The following GMDS variants were observed in gnomAD, a reference collection of about 807,000 sequenced individuals.
GMDS encodes the protein GDP-mannose 4,6 dehydratase.
GMDS carries 20 observed loss-of-function variants against 49.9 expected under a neutral mutation model. That is an observed-to-expected ratio of 0.40 (90% CI 0.28 to 0.58). The LOEUF is 0.58. GMDS is among the 20% of genes least tolerant of loss of function. GMDS has a pLI of 0.42. For missense variants in GMDS, 362 were observed against 481.4 expected (o/e 0.75, Z 2.32); for synonymous variants, 177 against 178.6 (o/e 0.99, Z 0.07).
chr6:2,029,872 T>A (rs1024951145), intron 4 of GMDS, among the ~76,000 whole-genome samples: 1 of 152,166 alleles, frequency 6.6e-6, no homozygotes, highest in Non-Finnish European at 1.5e-5. Context: ...TTTTGTGTCA[T>A]TTTGAATTAT....
intron 2 of GMDS, among the ~76,000 whole-genome samples, chr6:2,122,420 C>T (rs768676512): frequency 1.1e-4 from 16 of 152,122 alleles, no homozygotes; most frequent in East Asian, 7.7e-4. Context: ...CACCACTGCC[C>T]CCCACCCCGA....
intron 4 of GMDS, among the ~76,000 whole-genome samples, chr6:2,016,439 C>G (rs1481360601): frequency 6.6e-6 from 1 of 152,040 alleles, no homozygotes; most frequent in Non-Finnish European, 1.5e-5. Flanking sequence ...AATAATAGAG[C>G]TACAAGATAT....
At chr6:2,055,263 A>G (rs79383749) in intron 4 of GMDS, among the ~76,000 whole-genome samples, 3 of 150,830 alleles carry the variant, frequency 2.0e-5, no homozygotes, top group Non-Finnish European at 3.0e-5. Context: ...AGAAAAAAAA[A>G]GAGAGAGAGA....
intron 9 of GMDS, among the ~76,000 whole-genome samples, chr6:1,644,398 C>G (rs1339831938): frequency 6.6e-6 from 1 of 152,200 alleles, no homozygotes; most frequent in African/African-American, 2.4e-5. Context: ...CTCACCATTG[C>G]CATAAATAGG....
chr6:2,025,536 C>T (rs531392850), intron 4 of GMDS, among the ~76,000 whole-genome samples: 48 of 151,922 alleles, frequency 3.2e-4, no homozygotes, highest in Non-Finnish European at 6.6e-4. Flanking sequence ...AGATTTCTTT[C>T]TCCTTGTAAT....
At chr6:2,108,402 C>T (rs2127492983) in intron 4 of GMDS, among the ~76,000 whole-genome samples, 1 of 152,054 alleles carries the variant, frequency 6.6e-6, no homozygotes, top group East Asian at 1.9e-4. Context: ...AATTGTACTA[C>T]CCTAACCAAA....
intron 9 of GMDS, among the ~76,000 whole-genome samples, chr6:1,703,796 G>C (rs1011528145): frequency 4.6e-5 from 7 of 152,244 alleles, no homozygotes; most frequent in Non-Finnish European, 1.0e-4. Context: ...AGTGGCCGCA[G>C]GGCCAAGGCT....
At chr6:1,916,413 A>AC (rs1761401854) in intron 7 of GMDS, among the ~76,000 whole-genome samples, 1 of 151,574 alleles carries the variant, frequency 6.6e-6, no homozygotes, top group South Asian at 2.1e-4. Context: ...TTGTATTCCT[A>AC]CCCCACAATC....
chr6:1,666,795 C>T (rs781359685), intron 9 of GMDS, among the ~76,000 whole-genome samples: 7 of 152,148 alleles, frequency 4.6e-5, no homozygotes, highest in Non-Finnish European at 8.8e-5. Flanking sequence ...TCCTTCTAAG[C>T]GGAACGATAG....
intron 9 of GMDS, among the ~76,000 whole-genome samples, chr6:1,708,019 G>A (rs954027669): frequency 2.6e-5 from 4 of 152,066 alleles, no homozygotes; most frequent in Non-Finnish European, 5.9e-5. Flanking sequence ...AACATTTTCT[G>A]GAGTAAGGTA....
chr6:1,755,948 G>A (rs1461599212), intron 7 of GMDS, among the ~76,000 whole-genome samples: 1 of 152,298 alleles, frequency 6.6e-6, no homozygotes, highest in East Asian at 1.9e-4. Context: ...CACAGCAAAA[G>A]AAACTATCAT....
chr6:1,959,805 C>G lies in GMDS; in HGVS notation c.643+62G>C, dbSNP rs80301936. ...CTCTGTAGTACATACACCAAATAGA[C>G]ATGCAACTTGTTGTTGTTGTTCAAG... On this transcript the variant is annotated intron_variant, in intron 6 of 10. Coordinates refer to ENST00000380815, the MANE Select transcript of GMDS (RefSeq NM_001500.4). 1.1e-3 allele frequency: 994 copies of G among 943,162 alleles called. 5 individuals are homozygous for G. In the African/African-American group the frequency reaches 0.014, roughly 13 times the overall value. The allele number at this position is 943,162 out of a possible 1,614,324, so 58.4% of individuals were successfully genotyped here.
intron 4 of GMDS, among the ~76,000 whole-genome samples, chr6:1,972,548 A>G (rs1212639199): frequency 6.6e-6 from 1 of 152,274 alleles, no homozygotes; most frequent in Non-Finnish European, 1.5e-5. Flanking sequence ...CCAAGGATTC[A>G]CAGGGTCCAT....
chr6:2,193,078 C>T (rs1779119343), intron 1 of GMDS, among the ~76,000 whole-genome samples: 2 of 152,306 alleles, frequency 1.3e-5, no homozygotes, highest in Middle Eastern at 3.4e-3. Context: ...TTGTCACAAT[C>T]ACTGGGGGAT....
At chr6:2,220,726 T>A (rs1356333998) in intron 1 of GMDS, among the ~76,000 whole-genome samples, 3 of 152,134 alleles carry the variant, frequency 2.0e-5, no homozygotes, top group Non-Finnish European at 4.4e-5. Context: ...CCCCAAGATT[T>A]GTATATACAT....
At chr6:1,740,681 A>T (rs1415263354) in intron 8 of GMDS, among the ~76,000 whole-genome samples, 1 of 139,238 alleles carries the variant, frequency 7.2e-6, no homozygotes. Flanking sequence ...CAAGAGAAGA[A>T]GGCCAATTTT....
At position 1,640,934 on chromosome 6, in the gene GMDS, C is replaced by G. The variant is rs371977552; in HGVS notation, c.988-16394G>C. 6.6e-6 allele frequency among the ~76,000 whole-genome samples: 1 copy of G among 152,158 alleles called. No homozygotes were observed. Among genetic ancestry groups the G allele is most frequent in the Non-Finnish European group, 1.5e-5 (1 of 68,018 alleles). ...AGGCTGGGCTAGGGCCCTGAAGGGC[C>G]GGCTGGTTAGAAACCCTGAAGTCCA... is the stretch of plus-strand genomic sequence containing the variant. On this transcript the variant is annotated intron_variant, in intron 9 of 10. Transcript: ENST00000380815. The surrounding 1 kb of genome is among the most constrained non-coding windows in gnomAD (Gnocchi z 4.0).
At chr6:1,824,848 C>T (rs115137229) in intron 7 of GMDS, among the ~76,000 whole-genome samples, 87 of 152,312 alleles carry the variant, frequency 5.7e-4, no homozygotes, top group African/African-American at 2.1e-3. Context: ...TTTCATTCTC[C>T]TGTATCCTCT....
chr6:2,112,502 C>T (rs1019376360), intron 4 of GMDS, among the ~76,000 whole-genome samples: 11 of 152,222 alleles, frequency 7.2e-5, no homozygotes, highest in South Asian at 2.1e-4. Context: ...AATGCAAGTT[C>T]GAAGACCCCA....
Sources: gnomAD v4.1 joint callset for allele counts (sites outside exome capture counted in the v4.1 genomes callset) on GRCh38, gnomAD v4.1.1 for gene constraint, Gnocchi (gnomAD v3.1) non-coding constraint, MANE v1.5 for transcripts, NCBI Gene and HGNC (gene_info 2026-07-23, HGNC 2026-07-21) for gene names.